Variants in C1QTNF12 observed in about 807,000 individuals in gnomAD.
C1QTNF12 encodes C1q and TNF related 12.
In C1QTNF12, 39 loss-of-function variants were observed where a neutral mutation model predicts 34.3. That is an observed-to-expected ratio of 1.14 (90% CI 0.88 to 1.49). The LOEUF (loss-of-function observed/expected upper bound fraction) is 1.49. C1QTNF12 is among the 40% of genes most tolerant of loss of function. The pLI, the probability that C1QTNF12 is intolerant of heterozygous loss-of-function variation, is 0.00. For missense variants in C1QTNF12, 497 were observed against 424.7 expected, an observed-to-expected ratio of 1.17 and a Z score of -1.50; for synonymous variants, 220 against 196.9, an observed-to-expected ratio of 1.12 and a Z score of -0.98.
Position 1,244,420 on chromosome 1 carries a change from G to T in C1QTNF12, c.255C>A (p.Gly85=). 1 of 1,611,882 alleles carries T rather than the reference G, an allele frequency of 6.2e-7. No homozygotes were observed. The highest frequency in any genetic ancestry group is 8.5e-7 in the Non-Finnish European group (1 of 1,179,512). The change falls in exon 2 of 8, where the codon GGC becomes GGA. Residue 85 remains glycine, a synonymous_variant. Coordinates refer to ENST00000330388, the MANE Select transcript of C1QTNF12 (RefSeq NM_001014980.3). Reference sequence around the variant, plus strand: ...TGCTTCCGCACCGCTTCCTTAAGGCGCCGTCGTCCGGCCGCCGGACAAAGT... The same window carrying T: ...TGCTTCCGCACCGCTTCCTTAAGGCTCCGTCGTCCGGCCGCCGGACAAAGT... ...WLNFVRRPDD[G]ALRKRCGSRD...
Position 1,246,664 on chromosome 1 carries a change from G to T in C1QTNF12, c.27C>A (p.Val9=). The change falls in exon 1 of 8, where the codon GTC becomes GTA. Residue 9 remains valine (V), a synonymous_variant. Coordinates refer to ENST00000330388, the MANE Select transcript of C1QTNF12 (RefSeq NM_001014980.3). This position sits in a 1 kb window ranked among gnomAD's most constrained non-coding sequence, Gnocchi z 4.5. ...CGAGCTGCGGCCCGAGGAGGACCAC[G>T]ACCGCGGCCCAGGCCCAGCGCCGCA... is the stretch of plus-strand genomic sequence containing the variant. MRRWAWAA[V]VVLLGPQLVL... is the part of the protein sequence containing the mutation. The T allele has an allele frequency of 8.1e-7, 1 of 1,229,342 alleles. No individual in the cohort carries two copies. Among genetic ancestry groups the T allele is most frequent in the Non-Finnish European group, 1.0e-6 (1 of 986,148 alleles). The allele number at this position is 1,229,342 out of a possible 1,614,324, so 76.2% of individuals were successfully genotyped here. A position where few individuals can be genotyped will look rare whatever the true frequency, so the allele number is the denominator to read the frequency against.
rs1046768193 is a variant in C1QTNF12, at chr1:1,242,753, T to C, written c.810+82A>G. ...AGGAGGTGCCGAGGCCCCAGAGGTC[T>C]GCGCCCTGAGTGCACCGAGCTCACA... On this transcript the variant is annotated intron_variant, in intron 7 of 7. Coordinates refer to ENST00000330388, the MANE Select transcript of C1QTNF12 (RefSeq NM_001014980.3). 3.8e-6 allele frequency: 6 copies of C among 1,571,288 alleles called. No individual in the cohort carries two copies. The African/African-American group carries it at 6.8e-5, about 18-fold the overall frequency.
upstream of C1QTNF12, chr1:1,246,794 C>T: frequency 3.6e-6 from 3 of 840,560 alleles, no homozygotes; most frequent in Non-Finnish European, 4.6e-6. The surrounding 1 kb of genome is among the most constrained non-coding windows in gnomAD (Gnocchi z 4.5). Flanking sequence ...GGCCCAGGGG[C>T]GCGCCCGGCC....
At chr1:1,243,889 T>C (rs1466399787) in intron 4 of C1QTNF12, 65 bp downstream of exon 4, 41 of 1,527,260 alleles carry the variant, frequency 2.7e-5, no homozygotes, top group Non-Finnish European at 3.6e-5. Flanking sequence ...AGGCGGTGTG[T>C]GTGGTCCCGT....
chr1:1,244,267 G>A lies in C1QTNF12; in HGVS notation c.303C>T (p.Leu101=), dbSNP rs1479388871. The A allele has an allele frequency of 1.3e-6, 2 of 1,593,324 alleles. No homozygotes were observed. The highest frequency in any genetic ancestry group is 2.7e-5 in the African/African-American group (2 of 74,178). The change falls in exon 3 of 8, where the codon CTC becomes CTT. Residue 101 remains leucine, a synonymous_variant. Transcript: ENST00000330388. ...CGSRDKKPRD[L]FGPPGPPGAE... ...CACCTGGAGGTCCTGGGGGACCGAA[G>A]AGATCCCGCTGGGGGGAGAGAGAAG...
intron 4 of C1QTNF12, 22 bp downstream of exon 4, chr1:1,243,932 C>T: frequency 6.3e-7 from 1 of 1,598,526 alleles, no homozygotes; most frequent in Non-Finnish European, 8.5e-7. Context: ...ACACCCCGCT[C>T]TAAGCTCCCG....
At chr1:1,242,788 G>A in intron 7 of C1QTNF12, 47 bp downstream of exon 7, 1 of 1,601,672 alleles carries the variant, frequency 6.2e-7, no homozygotes. Context: ...ACCCGGCCCA[G>A]CCCGAGTGCA....
intron 3 of C1QTNF12, 37 bp from the exon 4 acceptor site, chr1:1,244,142 G>A: frequency 6.4e-7 from 1 of 1,561,694 alleles, no homozygotes; most frequent in Admixed American, 1.9e-5. Context: ...AGCAGGGTCA[G>A]CACAGGGCCC....
intron 7 of C1QTNF12, 23 bp downstream of exon 7, chr1:1,242,812 G>C: frequency 6.2e-7 from 1 of 1,611,030 alleles, no homozygotes; most frequent in East Asian, 2.2e-5. Flanking sequence ...GAGCCCTCCC[G>C]CTCACACCCG....
Position 1,244,478 on chromosome 1 carries a change from G to T in C1QTNF12, c.197C>A (p.Pro66His). The T allele has an allele frequency of 6.2e-7, 1 of 1,611,678 alleles. No individual in the cohort carries two copies. The highest frequency in any genetic ancestry group is 1.3e-5 in the African/African-American group (1 of 74,964). The change falls in exon 2 of 8, where the codon CCT becomes CAT. Residue 66 changes from proline to histidine, a missense_variant. Coordinates refer to ENST00000330388, the MANE Select transcript of C1QTNF12 (RefSeq NM_001014980.3). ...TGTCATGTGGGCGTCGGAGAACTCA[G>T]GTCCTGAGGCCTGGGATGGCTGAAG... ...EAPKPSQASG[P>H]EFSDAHMTWL...
At chr1:1,243,854 A>G in intron 4 of C1QTNF12, 100 bp downstream of exon 4, 10 of 1,429,846 alleles carry the variant, frequency 7.0e-6, no homozygotes, top group Non-Finnish European at 9.4e-6. Flanking sequence ...CCAGCCCCCA[A>G]CCCACATGCT....
At position 1,246,578 on chromosome 1, in the gene C1QTNF12, C is replaced by T; in HGVS notation, c.113G>A (p.Arg38His). 8.0e-7 allele frequency: 1 copy of T among 1,246,196 alleles called. No homozygotes were observed. The allele number at this position is 1,246,196 out of a possible 1,614,324, so 77.2% of individuals were successfully genotyped here. Residue 38 changes from arginine (R) to histidine (H), a missense_variant, in exon 1 of 8, where the codon CGC becomes CAC. Coordinates refer to ENST00000330388, the MANE Select transcript of C1QTNF12 (RefSeq NM_001014980.3). The surrounding 1 kb of genome is among the most constrained non-coding windows in gnomAD (Gnocchi z 4.5). ...GGCGGTGGCGTTGGGGGGATCTGCG[C>T]GCTGGCCAGGCTGCTGCGTCCTCTG... ...EAQRTQQPGQ[R>H]ADPPNATASA...
Position 1,244,278 on chromosome 1 carries a change from G to A in C1QTNF12, c.295-3C>T. Reference sequence around the variant, plus strand: ...CCTGGGGGACCGAAGAGATCCCGCTGGGGGGAGAGAGAAGCAGGTGAGGGG... The same window carrying A: ...CCTGGGGGACCGAAGAGATCCCGCTAGGGGGAGAGAGAAGCAGGTGAGGGG... On this transcript the variant is annotated splice_polypyrimidine_tract_variant and splice_region_variant and intron_variant, in intron 2 of 7. Transcript: ENST00000330388. The A allele has an allele frequency of 6.3e-7, 1 of 1,591,040 alleles. No homozygotes were observed. Among genetic ancestry groups the A allele is most frequent in the South Asian group, 1.1e-5 (1 of 89,424 alleles).
rs1336351206 is a variant in C1QTNF12, at chr1:1,246,192, C to T, written c.177+322G>A. Among the ~76,000 whole-genome samples, 3 of 142,350 alleles carry T rather than the reference C, an allele frequency of 2.1e-5. No homozygotes were observed. Among genetic ancestry groups the T allele is most frequent in the Admixed American group, 7.3e-5 (1 of 13,788 alleles). The allele number at this position is 142,350 out of a possible 152,430, so 93.4% of individuals were successfully genotyped here. On this transcript the variant is annotated intron_variant, in intron 1 of 7. Coordinates refer to ENST00000330388, the MANE Select transcript of C1QTNF12 (RefSeq NM_001014980.3). This position sits in a 1 kb window ranked among gnomAD's most constrained non-coding sequence, Gnocchi z 4.5. ...CCCCCGCCCCCAAATCAGCAATTAA[C>T]CTAATAGCAACAGGTTCCTCAGAGC...
Position 1,244,094 on chromosome 1 carries a change from G to A in C1QTNF12, c.391C>T (p.Arg131Cys), listed in dbSNP as rs1312646626. The A allele has an allele frequency of 6.9e-6, 11 of 1,583,918 alleles. No individual in the cohort carries two copies. Among genetic ancestry groups the A allele is most frequent in the African/African-American group, 1.3e-5 (1 of 74,252 alleles). The stretch of plus-strand genomic sequence containing the variant: ...GGGTCCAGAAGCCCTGAGAACCGGC[G>A]CTCCGTGGCCTCTGTGGGGAGGAGG... Reference protein sequence around the residue: ...FQELLKEATERRFSGLLDPLL... With the variant: ...FQELLKEATECRFSGLLDPLL... The change falls in exon 4 of 8, where the codon CGC becomes TGC. Residue 131 changes from arginine to cysteine, a missense_variant. By Grantham distance (180) the Arg-to-Cys change is radical. Coordinates refer to ENST00000330388, the MANE Select transcript of C1QTNF12 (RefSeq NM_001014980.3).
In C1QTNF12 at chr1:1,244,426, G is replaced by A. The variant is rs142626978; in HGVS notation, c.249C>T (p.Asp83=). Residue 83 remains aspartate (D), a synonymous_variant, in exon 2 of 8, where the codon GAC becomes GAT. Transcript: ENST00000330388. ...MTWLNFVRRP[D]DGALRKRCGS... ...CGCACCGCTTCCTTAAGGCGCCGTC[G>A]TCCGGCCGCCGGACAAAGTTCAGCC... is the stretch of plus-strand genomic sequence containing the variant. 8.1e-6 allele frequency: 13 copies of A among 1,611,758 alleles called. No homozygotes were observed. The highest frequency in any genetic ancestry group is 2.2e-5 in the East Asian group (1 of 44,878).
chr1:1,243,840 G>GCCCCCCCCCCCCC, intron 4 of C1QTNF12, 114 bp downstream of exon 4: 1 of 508,070 alleles, frequency 2.0e-6, no homozygotes, highest in South Asian at 2.1e-5. Flanking sequence ...TCCGAGCCCC[G>GCCCCCCCCCCCCC]CCCCCAGCCC....
At chr1:1,243,404 A>G (rs1174705888) in intron 5 of C1QTNF12, 40 bp downstream of exon 5, 3 of 1,523,660 alleles carry the variant, frequency 2.0e-6, no homozygotes, top group East Asian at 4.9e-5. Context: ...GCTCAGCCCC[A>G]GCCCCGTCAC....
chr1:1,246,831 T>G, upstream of C1QTNF12: 2 of 555,088 alleles, frequency 3.6e-6, no homozygotes. This position sits in a 1 kb window ranked among gnomAD's most constrained non-coding sequence, Gnocchi z 4.5. Flanking sequence ...TGCGCGGACC[T>G]GCCCGGAACG....
Sources: allele counts gnomAD v4.1 joint callset (sites outside exome capture counted in the v4.1 genomes callset), GRCh38; gene constraint gnomAD v4.1.1; non-coding constraint Gnocchi (gnomAD v3.1); transcripts MANE v1.5; gene names NCBI Gene and HGNC (gene_info 2026-07-23, HGNC 2026-07-21).